The following ZNF536 variants were observed in gnomAD, a reference collection of about 807,000 sequenced individuals.
The protein encoded by ZNF536 is zinc finger protein 536.
ZNF536 carries 13 observed loss-of-function variants against 84.5 expected under a neutral mutation model. That is an observed-to-expected ratio of 0.15 (90% confidence interval 0.10 to 0.24). The LOEUF (loss-of-function observed/expected upper bound fraction) is 0.24. Among genes scored for constraint, ZNF536 ranks in the 10% least tolerant of loss-of-function variants. ZNF536 has a pLI of 1.00. For missense variants in ZNF536, 1,536 were observed against 1,747.5 expected, an observed-to-expected ratio of 0.88 and a Z score of 2.16; for synonymous variants, 811 against 742.5, an observed-to-expected ratio of 1.09 and a Z score of -1.50.
At chr19:30,479,885 A>G (rs1333400952) in intron 2 of ZNF536, among the ~76,000 whole-genome samples, 1 of 152,130 alleles carries the variant, frequency 6.6e-6, no homozygotes, top group Non-Finnish European at 1.5e-5. Flanking sequence ...GGAAATCAAA[A>G]TGCCCTGCTG....
At chr19:30,685,207 G>T (rs6510174) in intron 1 of ZNF536, among the ~76,000 whole-genome samples, 3,665 of 152,228 alleles carry the variant, frequency 0.024, 148 homozygotes, top group African/African-American at 0.081. Flanking sequence ...GGGGTCTCTG[G>T]ATTTTCTGCT....
chr19:30,360,687 C>T (rs1433069), intron 3 of ZNF536, among the ~76,000 whole-genome samples: 3,979 of 152,310 alleles, frequency 0.026, 119 homozygotes, highest in African/African-American at 0.073. Context: ...AATGGGGACT[C>T]GGGGTCCGAC....
intron 2 of ZNF536, among the ~76,000 whole-genome samples, chr19:30,500,990 T>C (rs1179961668): frequency 6.6e-6 from 1 of 152,190 alleles, no homozygotes; most frequent in Non-Finnish European, 1.5e-5. Context: ...TGGGCATTGT[T>C]CAGGATTGGA....
At chr19:30,261,393 A>G (rs952064576) in intron 1 of ZNF536, among the ~76,000 whole-genome samples, 2 of 151,860 alleles carry the variant, frequency 1.3e-5, no homozygotes, top group Non-Finnish European at 2.9e-5. Context: ...GCTAACTTAT[A>G]AAAAGAAGAA....
chr19:30,693,347 T>C (rs563973692), intron 1 of ZNF536, among the ~76,000 whole-genome samples: 1 of 152,248 alleles, frequency 6.6e-6, no homozygotes, highest in South Asian at 2.1e-4. Context: ...CCCCTCCCCC[T>C]GATGTAAAGC....
intron 2 of ZNF536, among the ~76,000 whole-genome samples, chr19:30,344,125 C>T (rs999033409): frequency 6.6e-6 from 1 of 151,236 alleles, no homozygotes; most frequent in African/African-American, 2.4e-5. Context: ...TGTGGTTTCC[C>T]ACCCCTAGGG....
At chr19:30,628,518 C>G (rs12983654) in intron 1 of ZNF536, among the ~76,000 whole-genome samples, 21 of 149,768 alleles carry the variant, frequency 1.4e-4, no homozygotes, top group African/African-American at 4.7e-4. Context: ...AAGCTCCGCC[C>G]CCCGGGTTCA....
intron 1 of ZNF536, among the ~76,000 whole-genome samples, chr19:30,631,469 C>G (rs910102008): frequency 1.3e-5 from 2 of 152,206 alleles, no homozygotes; most frequent in African/African-American, 4.8e-5. Context: ...GGTTGGCTTT[C>G]CAGAGCAGGG....
Position 30,354,466 on chromosome 19 carries a change from C to A in ZNF536, c.-3+1982C>A, listed in dbSNP as rs191992680. Among the ~76,000 whole-genome samples, 6 of 152,210 alleles carry A rather than the reference C, an allele frequency of 3.9e-5. 1 individual carries two copies. The highest frequency in any genetic ancestry group is 1.4e-4 in the African/African-American group (6 of 41,462). ...CACTGCAGCCTTGACCTCCTGGGCT[C>A]AAGCAATCCTCCCTCCTTGGCGTCC... On this transcript the variant is annotated intron_variant, in intron 3 of 5. Transcript: ENST00000585628.
chr19:30,679,281 A>C (rs746482245), intron 1 of ZNF536, among the ~76,000 whole-genome samples: 17 of 152,216 alleles, frequency 1.1e-4, no homozygotes, highest in Non-Finnish European at 2.4e-4. Flanking sequence ...ACCGCTTCAC[A>C]GCTATCTGGG....
intron 2 of ZNF536, among the ~76,000 whole-genome samples, chr19:30,450,150 G>C (rs2052534972): frequency 6.7e-6 from 1 of 149,148 alleles, no homozygotes; most frequent in Non-Finnish European, 1.5e-5. Flanking sequence ...TAACTGAGCA[G>C]AGTTAGCTGA....
chr19:30,451,339 G>A (rs1042277782), intron 2 of ZNF536, among the ~76,000 whole-genome samples: 1 of 152,254 alleles, frequency 6.6e-6, no homozygotes, highest in Non-Finnish European at 1.5e-5. Context: ...GGAGCCGGAT[G>A]CCTACCAGCA....
intron 3 of ZNF536, among the ~76,000 whole-genome samples, chr19:30,360,174 C>T (rs1161466812): frequency 1.3e-5 from 2 of 152,200 alleles, no homozygotes; most frequent in African/African-American, 2.4e-5. Context: ...TACCACGCAG[C>T]GAGCTTGGGC....
intron 1 of ZNF536, among the ~76,000 whole-genome samples, chr19:30,259,654 C>G (rs1412222031): frequency 6.6e-6 from 1 of 152,204 alleles, no homozygotes; most frequent in Non-Finnish European, 1.5e-5. Context: ...CTCCTAGTGT[C>G]ATCTTCGTGT....
intron 1 of ZNF536, among the ~76,000 whole-genome samples, chr19:30,278,402 G>T (rs973064171): frequency 6.6e-6 from 1 of 152,324 alleles, no homozygotes; most frequent in South Asian, 2.1e-4. Context: ...CCCCAAGTGG[G>T]GAGGCCCTGT....
At chr19:30,320,760 C>T (rs1179739558) in intron 2 of ZNF536, among the ~76,000 whole-genome samples, 2 of 152,098 alleles carry the variant, frequency 1.3e-5, no homozygotes, top group African/African-American at 2.4e-5. Flanking sequence ...TTATTTTCTC[C>T]GTGAAACGCC....
intron 2 of ZNF536, among the ~76,000 whole-genome samples, chr19:30,476,192 C>T (rs976711854): frequency 9.2e-5 from 14 of 152,160 alleles, no homozygotes; most frequent in African/African-American, 3.4e-4. Context: ...CACCTTCTTC[C>T]CTCTGTGGCC....
chr19:30,301,726 AT>A (rs1032881668), intron 2 of ZNF536, among the ~76,000 whole-genome samples: 2 of 152,096 alleles, frequency 1.3e-5, no homozygotes, highest in African/African-American at 4.8e-5. Context: ...TTTCGATTAA[AT>A]TTTTTATTAT....
chr19:30,672,940 T>C (rs532452726), intron 1 of ZNF536, among the ~76,000 whole-genome samples: 1 of 152,166 alleles, frequency 6.6e-6, no homozygotes, highest in Non-Finnish European at 1.5e-5. Flanking sequence ...CCAGCCCCTA[T>C]CCTGTCTTGG....
Sources: gnomAD v4.1 joint callset for allele counts (sites outside exome capture counted in the v4.1 genomes callset) on GRCh38, gnomAD v4.1.1 for gene constraint, MANE v1.5 for transcripts, NCBI Gene and HGNC (gene_info 2026-07-23, HGNC 2026-07-21) for gene names.